GMDS: variants seen among roughly 807,000 people sequenced by gnomAD.
GMDS encodes the protein GDP-mannose 4,6 dehydratase.
In GMDS, 20 loss-of-function variants were observed where a neutral mutation model predicts 49.9. The ratio of observed to expected loss-of-function variants is 0.40; its 90% confidence interval spans 0.28 to 0.58. The LOEUF (loss-of-function observed/expected upper bound fraction) is 0.58. Among genes scored for constraint, GMDS ranks in the 20% least tolerant of loss-of-function variants. The pLI, the probability that GMDS is intolerant of heterozygous loss-of-function variation, is 0.42. For missense variants in GMDS, 362 were observed against 481.4 expected, an observed-to-expected ratio of 0.75 and a Z score of 2.32; for synonymous variants, 177 against 178.6, an observed-to-expected ratio of 0.99 and a Z score of 0.07.
intron 7 of GMDS, among the ~76,000 whole-genome samples, chr6:1,841,372 G>A (rs1291948818): frequency 6.6e-6 from 1 of 152,188 alleles, no homozygotes; most frequent in East Asian, 1.9e-4. Context: ...TAAGAAACAT[G>A]ATCCTGGAAA....
rs1372750870 is a variant in GMDS, at chr6:2,191,727, G to T, written c.102+53594C>A. Among the ~76,000 whole-genome samples the T allele has an allele frequency of 6.6e-6, 1 of 152,232 alleles. No homozygotes were observed. Among genetic ancestry groups the T allele is most frequent in the Non-Finnish European group, 1.5e-5 (1 of 68,038 alleles). ...AAGCATGGGATGTGGAACCTAGGGG[G>T]ACACTGAGAGCAGCTTGATGCTGGC... On this transcript the variant is annotated intron_variant, in intron 1 of 10. Transcript: ENST00000380815. This position sits in a 1 kb window ranked among gnomAD's most constrained non-coding sequence, Gnocchi z 4.6.
intron 9 of GMDS, among the ~76,000 whole-genome samples, chr6:1,692,440 C>T (rs1360906481): frequency 2.6e-5 from 4 of 152,122 alleles, no homozygotes; most frequent in Admixed American, 6.5e-5. Context: ...TATTTGTGTT[C>T]GTAGTTTTCA....
chr6:2,194,163 C>T (rs1779179567), intron 1 of GMDS, among the ~76,000 whole-genome samples: 1 of 151,512 alleles, frequency 6.6e-6, no homozygotes, highest in African/African-American at 2.4e-5. Context: ...GCAGTTTGGA[C>T]TGTGTGTGTG....
intron 1 of GMDS, among the ~76,000 whole-genome samples, chr6:2,187,376 G>C (rs748192908): frequency 6.6e-6 from 1 of 152,078 alleles, no homozygotes; most frequent in Non-Finnish European, 1.5e-5. Flanking sequence ...TTTACCTATG[G>C]CACCAACAGT....
chr6:2,087,376 G>C (rs1294908476), intron 4 of GMDS, among the ~76,000 whole-genome samples: 1 of 151,970 alleles, frequency 6.6e-6, no homozygotes, highest in African/African-American at 2.4e-5. Context: ...TGAAAAATTT[G>C]GCCTCAAAAT....
chr6:2,059,175 C>CAA lies in GMDS; in HGVS notation c.345+56594_345+56595dup, dbSNP rs55832305. On this transcript the variant is annotated intron_variant, in intron 4 of 10. Coordinates refer to ENST00000380815, the MANE Select transcript of GMDS (RefSeq NM_001500.4). ...TGGGCGACAGAGTGATCCTCTGTCT[C>CAA]AAAAAAAAAAAAAAAAAAAAAAAAA... 6.4e-3 allele frequency among the ~76,000 whole-genome samples: 193 copies of CAA among 30,022 alleles called. 34 individuals carry two copies. Among genetic ancestry groups the CAA allele is most frequent in the African/African-American group, 0.015 (114 of 7,598 alleles). 19.7% of individuals were successfully genotyped at this position (30,022 alleles called of 152,430 possible).
At chr6:2,028,421 A>C (rs1394427738) in intron 4 of GMDS, among the ~76,000 whole-genome samples, 1 of 152,224 alleles carries the variant, frequency 6.6e-6, no homozygotes, top group East Asian at 1.9e-4. Flanking sequence ...TATGCTTTAT[A>C]ATAGGAAAAA....
At chr6:2,210,543 C>G (rs1250039933) in intron 1 of GMDS, among the ~76,000 whole-genome samples, 2 of 151,994 alleles carry the variant, frequency 1.3e-5, no homozygotes, top group African/African-American at 4.8e-5. Context: ...ACCAATGAGA[C>G]AGGAAAGGAA....
chr6:2,220,068 T>C (rs1239191414), intron 1 of GMDS, among the ~76,000 whole-genome samples: 1 of 152,204 alleles, frequency 6.6e-6, no homozygotes, highest in Non-Finnish European at 1.5e-5. Context: ...GCAGTGTGCA[T>C]TCACAATAAA....
chr6:2,190,140 A>G (rs1778948989), intron 1 of GMDS, among the ~76,000 whole-genome samples: 1 of 152,228 alleles, frequency 6.6e-6, no homozygotes. Flanking sequence ...CTTTTATTTT[A>G]TATTTTATTT....
chr6:1,990,741 AT>A (rs70992118), intron 4 of GMDS, among the ~76,000 whole-genome samples: 41,471 of 143,994 alleles, frequency 0.29, 7,017 homozygotes, highest in East Asian at 0.48. Flanking sequence ...CACCCAGCTA[AT>A]TTTTTTTTTT....
At chr6:1,834,216 G>T (rs1350144162) in intron 7 of GMDS, among the ~76,000 whole-genome samples, 1 of 152,078 alleles carries the variant, frequency 6.6e-6, no homozygotes, top group Non-Finnish European at 1.5e-5. Context: ...TTCATTAAAT[G>T]TCCATTGAAG....
intron 4 of GMDS, among the ~76,000 whole-genome samples, chr6:2,075,380 C>A (rs1168002667): frequency 1.3e-5 from 2 of 152,110 alleles, no homozygotes; most frequent in Non-Finnish European, 2.9e-5. Context: ...GTTAACTCGT[C>A]ATTTAACATT....
chr6:1,899,295 T>G (rs569431494), intron 7 of GMDS, among the ~76,000 whole-genome samples: 136 of 127,950 alleles, frequency 1.1e-3, no homozygotes, highest in Non-Finnish European at 1.7e-3. Context: ...TTGATTTGTG[T>G]TTTTTTTTTT....
chr6:1,949,063 G>A, intron 6 of GMDS: 1 of 969,888 alleles, frequency 1.0e-6, no homozygotes, highest in African/African-American at 1.8e-5. Context: ...TTTCACTTTG[G>A]AAGGGAAGGA....
chr6:2,193,338 A>T (rs1228642970), intron 1 of GMDS, among the ~76,000 whole-genome samples: 1 of 152,224 alleles, frequency 6.6e-6, no homozygotes, highest in East Asian at 1.9e-4. Context: ...AAATTTAACC[A>T]AATTTGACCA....
intron 7 of GMDS, among the ~76,000 whole-genome samples, chr6:1,769,437 C>T (rs535486886): frequency 6.6e-6 from 1 of 152,340 alleles, no homozygotes; most frequent in South Asian, 2.1e-4. Context: ...AAAACACAAA[C>T]AACCCAGGAA....
chr6:1,681,386 T>G (rs1224069793), intron 9 of GMDS, among the ~76,000 whole-genome samples: 3 of 152,220 alleles, frequency 2.0e-5, no homozygotes, highest in African/African-American at 7.2e-5. Flanking sequence ...TGCTGTGTTC[T>G]AGCATCTACA....
intron 7 of GMDS, among the ~76,000 whole-genome samples, chr6:1,810,063 T>C (rs906199470): frequency 2.6e-5 from 4 of 152,128 alleles, no homozygotes; most frequent in Non-Finnish European, 5.9e-5. Flanking sequence ...AGTTGCTATG[T>C]GGTAGCCCCT....
Sources: gnomAD v4.1 joint callset for allele counts (sites outside exome capture counted in the v4.1 genomes callset) on GRCh38, gnomAD v4.1.1 for gene constraint, Gnocchi (gnomAD v3.1) non-coding constraint, MANE v1.5 for transcripts, NCBI Gene and HGNC (gene_info 2026-07-23, HGNC 2026-07-21) for gene names.